The following ARRDC3 variants were observed in gnomAD, a reference collection of about 807,000 sequenced individuals.
ARRDC3 encodes the protein arrestin domain-containing protein 3.
A neutral mutation model predicts 47.2 loss-of-function variants in ARRDC3; 10 were observed. The ratio of observed to expected loss-of-function variants is 0.21; its 90% CI spans 0.13 to 0.36. The LOEUF (loss-of-function observed/expected upper bound fraction) is 0.36, where lower values mean the gene tolerates loss of function less well. Ranked by LOEUF, ARRDC3 falls within the 10% of genes least tolerant of loss-of-function variation. ARRDC3 has a pLI of 1.00. For missense variants in ARRDC3, 381 were observed against 503.6 expected (o/e 0.76, Z 2.33); for synonymous variants, 156 against 178.3 (o/e 0.87, Z 1.00).
rs1387758906 is a variant in ARRDC3 at position 91,373,745 on chromosome 5, T to C, written c.1127A>G (p.Gln376Arg). 6.2e-7 allele frequency: 1 copy of C among 1,613,942 alleles called. No homozygotes were observed. The highest frequency in any genetic ancestry group is 8.5e-7 in the Non-Finnish European group (1 of 1,179,966). ...CTGGATATATGCAAACAGTGGTCCT[T>C]GAAGGGCTCTCTCAAAGTCATCACA... ...SACDDFERAL[Q>R]GPLFAYIQEF... Residue 376 changes from glutamine (Q) to arginine (R), a missense_variant, in exon 7 of 8, where the codon CAA (glutamine) becomes CGA (arginine). Coordinates refer to ENST00000265138, the MANE Select transcript of ARRDC3 (RefSeq NM_020801.4).
Position 91,369,993 on chromosome 5 carries a change from AC to A in ARRDC3, c.*1406del, listed in dbSNP as rs1363356433. 3 of 152,200 alleles carry A rather than the reference AC, an allele frequency of 2.0e-5. No individual in the cohort carries two copies. Among genetic ancestry groups the A allele is most frequent in the African/African-American group, 7.2e-5 (3 of 41,446 alleles). 9.4% of individuals were successfully genotyped at this position (152,200 alleles called of 1,614,324 possible). On this transcript the variant is annotated 3_prime_UTR_variant, in exon 8 of 8. Coordinates refer to ENST00000265138, the MANE Select transcript of ARRDC3 (RefSeq NM_020801.4). ...GAAAAACAGTATTCTCATTAGAAAA[AC>A]ACAAAAATCCAAAAGATTTATCGCA...
intron 5 of ARRDC3, among the ~76,000 whole-genome samples, chr5:91,374,624 C>A (rs2127069125): frequency 6.6e-6 from 1 of 151,946 alleles, no homozygotes; most frequent in East Asian, 1.9e-4. Flanking sequence ...TGGCTCATGC[C>A]TATAATTCCA....
At chr5:91,374,082 A>G (rs760026211) in intron 6 of ARRDC3, 32 bp downstream of exon 6, 583 of 1,592,590 alleles carry the variant, frequency 3.7e-4, no homozygotes, top group Non-Finnish European at 4.6e-4. Flanking sequence ...TAGTAGTAAG[A>G]GATTAAGCTT....
Position 91,383,290 on chromosome 5 carries a change from C to G in ARRDC3, c.-198G>C, listed in dbSNP as rs561084795. The G allele has an allele frequency of 6.8e-5, 38 of 556,146 alleles. No homozygotes were observed. The Admixed American group carries it at 1.0e-3, about 15-fold the overall frequency. The allele number at this position is 556,146 out of a possible 1,614,324, so 34.5% of individuals were successfully genotyped here. On this transcript the variant is annotated 5_prime_UTR_variant, in exon 1 of 8. Transcript: ENST00000265138. ...CAGAGGCTGCTGCTCCGCGCTCCCG[C>G]TCGTCTCAGTGGTCTCCTTACAAAG...
chr5:91,375,500 CT>C lies in ARRDC3; in HGVS notation c.613+10del. 6.3e-7 allele frequency: 1 copy of C among 1,577,812 alleles called. No homozygotes were observed. The highest frequency in any genetic ancestry group is 8.6e-7 in the Non-Finnish European group (1 of 1,160,268). ...AGAAAAGTTTTTTGTGGGAATCTAC[CT>C]CTTACATACCTGGGGTATAGCCCTT... On this transcript the variant is annotated intron_variant, in intron 4 of 7. Transcript: ENST00000265138.
intron 4 of ARRDC3, 70 bp from the exon 5 acceptor site, chr5:91,375,248 G>A (rs898171223): frequency 3.1e-5 from 46 of 1,490,226 alleles, no homozygotes; most frequent in Non-Finnish European, 4.2e-5. Flanking sequence ...GATTCTTAAA[G>A]CTAAAGTAAG....
chr5:91,374,068 A>G, intron 6 of ARRDC3, 46 bp downstream of exon 6: 1 of 1,569,396 alleles, frequency 6.4e-7, no homozygotes, highest in Non-Finnish European at 8.6e-7. Context: ...AATTTTCTTG[A>G]TAATAGTAGT....
At chr5:91,375,461 CA>C (rs1196024407) in intron 4 of ARRDC3, 49 bp downstream of exon 4, 1 of 1,275,608 alleles carries the variant, frequency 7.8e-7, no homozygotes, top group Admixed American at 2.1e-5. Flanking sequence ...AATTTAAACA[CA>C]AAAGCTAAGT....
intron 2 of ARRDC3, among the ~76,000 whole-genome samples, chr5:91,377,416 A>C (rs1482094797): frequency 5.3e-5 from 8 of 152,048 alleles, no homozygotes; most frequent in Non-Finnish European, 1.2e-4. Context: ...GAATAAAAAA[A>C]AATTTTTTTT....
At position 91,376,817 on chromosome 5, in the gene ARRDC3, C is replaced by T. The variant is rs191866267; in HGVS notation, c.363-49G>A. On this transcript the variant is annotated intron_variant, in intron 2 of 7. Coordinates refer to ENST00000265138, the MANE Select transcript of ARRDC3 (RefSeq NM_020801.4). ...ATATTAATTTTATACCTCTTTCTAA[C>T]AATTACACAGTAGGTCAGAATAGAA... The T allele has an allele frequency of 3.5e-4, 533 of 1,523,500 alleles. 5 individuals carry two copies. In the Middle Eastern group the frequency reaches 4.1e-3, roughly 12 times the overall value. 94.4% of individuals were successfully genotyped at this position (1,523,500 alleles called of 1,614,324 possible).
rs528616664 is a variant in ARRDC3, at chr5:91,375,752, ACTT to A, written c.511-142_511-140del. The A allele has an allele frequency of 4.4e-4, 209 of 476,444 alleles. 3 individuals are homozygous for A. The highest frequency in any genetic ancestry group is 3.7e-3 in the African/African-American group (187 of 49,942). 29.5% of individuals were successfully genotyped at this position (476,444 alleles called of 1,614,324 possible). ...TTGCTTTTTTTTTGTATCCAGACAT[ACTT>A]CTTATTTTTTAACTAACCGATGGTT... On this transcript the variant is annotated intron_variant, in intron 3 of 7. Coordinates refer to ENST00000265138, the MANE Select transcript of ARRDC3 (RefSeq NM_020801.4).
chr5:91,371,523 GA>G, intron 7 of ARRDC3, 67 bp from the exon 8 acceptor site: 1 of 1,241,780 alleles, frequency 8.1e-7, no homozygotes, highest in Non-Finnish European at 1.2e-6. Context: ...TGTAGCAAAT[GA>G]CTACAATTCT....
Position 91,375,592 on chromosome 5 carries a change from C to G in ARRDC3, c.532G>C (p.Glu178Gln). ...CAGAACCAGCAACAGAGTGTCTTTT[C>G]TTTTGTGCCTGCTTGGGGTGACTGT... ...SLLSPQAGTK[E>Q]KTLCCWFCTS... is the part of the protein sequence containing the mutation. Residue 178 changes from glutamate (E) to glutamine (Q), a missense_variant, in exon 4 of 8, where the codon GAA (glutamate) becomes CAA (glutamine). Coordinates refer to ENST00000265138, the MANE Select transcript of ARRDC3 (RefSeq NM_020801.4). 1 of 1,609,308 alleles carries G rather than the reference C, an allele frequency of 6.2e-7. No individual in the cohort carries two copies. Among genetic ancestry groups the G allele is most frequent in the Non-Finnish European group, 8.5e-7 (1 of 1,177,300 alleles).
intron 7 of ARRDC3, among the ~76,000 whole-genome samples, chr5:91,372,961 T>A (rs1799214113): frequency 6.6e-6 from 1 of 152,218 alleles, no homozygotes; most frequent in Non-Finnish European, 1.5e-5. Context: ...TCCTTGTCTT[T>A]ACATACACTG....
chr5:91,370,682 T>G lies in ARRDC3; in HGVS notation c.*718A>C, dbSNP rs1192435782. On this transcript the variant is annotated 3_prime_UTR_variant, in exon 8 of 8. Transcript: ENST00000265138. ...ACAATCTTGACAGTCTCTTATTAGC[T>G]TCCTCCTCTTATCTCTTTTTTTCCC... is the stretch of plus-strand genomic sequence containing the variant. 1 of 152,570 alleles carries G rather than the reference T, an allele frequency of 6.6e-6. No individual in the cohort carries two copies. Among genetic ancestry groups the G allele is most frequent in the Non-Finnish European group, 1.5e-5 (1 of 68,020 alleles). 9.5% of individuals were successfully genotyped at this position (152,570 alleles called of 1,614,324 possible). A position where few individuals can be genotyped will look rare whatever the true frequency, so the allele number is the denominator to read the frequency against.
At chr5:91,381,210 C>T (rs1799450526) in intron 1 of ARRDC3, among the ~76,000 whole-genome samples, 1 of 147,742 alleles carries the variant, frequency 6.8e-6, no homozygotes, top group African/African-American at 2.5e-5. Flanking sequence ...GTTTGGGGGG[C>T]ATTTTGTTGG....
intron 2 of ARRDC3, among the ~76,000 whole-genome samples, chr5:91,377,409 TA>T (rs890380515): frequency 8.6e-5 from 13 of 151,916 alleles, no homozygotes; most frequent in East Asian, 1.9e-4. Flanking sequence ...GTCAAGAGAA[TA>T]AAAAAAAATT....
chr5:91,373,824 C>T lies in ARRDC3; in HGVS notation c.1048G>A (p.Ala350Thr), dbSNP rs1482085914. The T allele has an allele frequency of 6.2e-7, 1 of 1,613,904 alleles. No individual in the cohort carries two copies. Among genetic ancestry groups the T allele is most frequent in the Non-Finnish European group, 8.5e-7 (1 of 1,179,946 alleles). ...PERPEAPPSY[A>T]EVVTEEQRRN... ...CTTTGTTCCTCTGTTACCACTTCTG[C>T]ATAGCTGGGTGGTGCTGAAGGAAAA... Residue 350 changes from alanine to threonine, a missense_variant, in exon 7 of 8, where the codon GCA becomes ACA. Ala to Thr is a moderately conservative substitution (Grantham distance 58). Transcript: ENST00000265138.
At position 91,371,123 on chromosome 5, in the gene ARRDC3, A is replaced by G. The variant is rs1440757447; in HGVS notation, c.*277T>C. 2 of 360,770 alleles carry G rather than the reference A, an allele frequency of 5.5e-6. No individual in the cohort carries two copies. The highest frequency in any genetic ancestry group is 1.0e-5 in the Non-Finnish European group (2 of 200,270). 22.3% of individuals were successfully genotyped at this position (360,770 alleles called of 1,614,324 possible). A position where few individuals can be genotyped will look rare whatever the true frequency, so the allele number is the denominator to read the frequency against. On this transcript the variant is annotated 3_prime_UTR_variant, in exon 8 of 8. Coordinates refer to ENST00000265138, the MANE Select transcript of ARRDC3 (RefSeq NM_020801.4). Reference sequence around the variant, plus strand: ...GGAAATCATCCCTCTTTACAACGTGATGTCTTGACACGTACGACCATAGGC... The same window carrying G: ...GGAAATCATCCCTCTTTACAACGTGGTGTCTTGACACGTACGACCATAGGC...
Sources: gnomAD v4.1 joint callset for allele counts (sites outside exome capture counted in the v4.1 genomes callset) on GRCh38, gnomAD v4.1.1 for gene constraint, MANE v1.5 for transcripts, NCBI Gene and HGNC (gene_info 2026-07-23, HGNC 2026-07-21) for gene names.